Variants in TAFA2 observed in about 807,000 individuals in gnomAD.
The protein encoded by TAFA2 is chemokine-like protein TAFA-2.
TAFA2 carries 7 observed loss-of-function variants against 18.8 expected under a neutral mutation model. The ratio of observed to expected loss-of-function variants is 0.37; its 90% CI spans 0.21 to 0.70. The LOEUF (loss-of-function observed/expected upper bound fraction) is 0.70. Among genes scored for constraint, TAFA2 ranks in the 30% least tolerant of loss-of-function variants. The probability of loss-of-function intolerance (pLI) is 0.53; values close to 1 mark genes in which losing one functional copy is unlikely to be tolerated. For synonymous variants in TAFA2, 60 were observed against 54.2 expected (o/e 1.11, Z -0.47); for missense variants, 122 against 158.1 (o/e 0.77, Z 1.23).
Position 62,014,569 on chromosome 12 carries a change from C to T in TAFA2, c.-1-147143G>A, listed in dbSNP as rs59481152. ...ATTGCTTAACCCCGGAAGGCAGAGG[C>T]TGCAGTGAGCAGAGATGGCGCCACT... On this transcript the variant is annotated intron_variant, in intron 1 of 4. Transcript: ENST00000416284. Among the ~76,000 whole-genome samples the T allele has an allele frequency of 3.9e-5, 6 of 152,204 alleles. No individual in the cohort carries two copies. The East Asian group carries it at 1.2e-3, about 29-fold the overall frequency.
intron 1 of TAFA2, among the ~76,000 whole-genome samples, chr12:61,957,011 T>C (rs1410646405): frequency 6.6e-6 from 1 of 152,174 alleles, no homozygotes; most frequent in Non-Finnish European, 1.5e-5. Context: ...TTCACAATAC[T>C]CCTACAAAAT....
Position 61,926,831 on chromosome 12 carries a change from AG to A in TAFA2, c.-1-59406del, listed in dbSNP as rs1877314971. ...TTCACGCCTGTAATCCCAGCACTTTAGGAGGCTGAGGCGGGTGGATCACAAG... is the reference window on the plus strand; with the variant it reads ...TTCACGCCTGTAATCCCAGCACTTTAGAGGCTGAGGCGGGTGGATCACAAG... On this transcript the variant is annotated intron_variant, in intron 1 of 4. Transcript: ENST00000416284. Among the ~76,000 whole-genome samples the A allele has an allele frequency of 5.9e-5, 9 of 152,124 alleles. No homozygotes were observed. The South Asian group carries it at 1.9e-3, about 32-fold the overall frequency.
At chr12:61,796,193 A>G (rs2120948035) in intron 2 of TAFA2, among the ~76,000 whole-genome samples, 1 of 152,292 alleles carries the variant, frequency 6.6e-6, no homozygotes, top group East Asian at 1.9e-4. Context: ...TGTTTATACC[A>G]GATTAGATAG....
chr12:62,156,852 A>G (rs560855083), intron 1 of TAFA2, among the ~76,000 whole-genome samples: 12 of 152,304 alleles, frequency 7.9e-5, no homozygotes, highest in African/African-American at 2.9e-4. Flanking sequence ...TTACTCATGT[A>G]ACTAAATACC....
intron 1 of TAFA2, among the ~76,000 whole-genome samples, chr12:62,144,749 A>G (rs1293360134): frequency 6.6e-6 from 1 of 152,188 alleles, no homozygotes; most frequent in Non-Finnish European, 1.5e-5. Flanking sequence ...GTCCTATGTC[A>G]TAGGATGCCA....
At chr12:61,815,560 G>A (rs1478107256) in intron 2 of TAFA2, among the ~76,000 whole-genome samples, 1 of 150,926 alleles carries the variant, frequency 6.6e-6, no homozygotes, top group East Asian at 1.9e-4. Flanking sequence ...CTACTCGGGA[G>A]GCTGAGGCGG....
intron 1 of TAFA2, among the ~76,000 whole-genome samples, chr12:61,939,749 G>A (rs1283520706): frequency 6.6e-6 from 1 of 152,136 alleles, no homozygotes; most frequent in Non-Finnish European, 1.5e-5. Flanking sequence ...CTCTCTTCAC[G>A]TGACTTTTCT....
chr12:62,041,850 G>A (rs928885774), intron 1 of TAFA2, among the ~76,000 whole-genome samples: 22 of 151,942 alleles, frequency 1.4e-4, no homozygotes, highest in African/African-American at 5.1e-4. Context: ...TTTTTTCAAA[G>A]ATTATCCTAC....
At chr12:62,211,533 T>C (rs2062714242) in intron 1 of TAFA2, among the ~76,000 whole-genome samples, 1 of 150,612 alleles carries the variant, frequency 6.6e-6, no homozygotes, top group Non-Finnish European at 1.5e-5. Context: ...TGAGCCAAGA[T>C]TGTGCTGCTG....
At chr12:61,949,402 G>A (rs956809634) in intron 1 of TAFA2, among the ~76,000 whole-genome samples, 9 of 151,976 alleles carry the variant, frequency 5.9e-5, no homozygotes, top group African/African-American at 2.2e-4. Context: ...AACTCTCCCA[G>A]GTCTCCAGCC....
chr12:62,177,373 G>A (rs1011630465), intron 1 of TAFA2, among the ~76,000 whole-genome samples: 5 of 152,324 alleles, frequency 3.3e-5, no homozygotes, highest in Admixed American at 3.3e-4. Context: ...GCTGCAAGCT[G>A]GGCAAAAACT....
chr12:62,025,866 A>G (rs1489903214), intron 1 of TAFA2, among the ~76,000 whole-genome samples: 3 of 152,130 alleles, frequency 2.0e-5, no homozygotes, highest in Non-Finnish European at 4.4e-5. Context: ...AGGAAAAAAT[A>G]TATTTAATAA....
chr12:62,067,753 T>C (rs1882528398), intron 1 of TAFA2, among the ~76,000 whole-genome samples: 1 of 152,166 alleles, frequency 6.6e-6, no homozygotes, highest in South Asian at 2.1e-4. Flanking sequence ...AATGGTAAAG[T>C]ATCAGACAGA....
intron 1 of TAFA2, among the ~76,000 whole-genome samples, chr12:61,910,394 A>G (rs1189635002): frequency 1.3e-5 from 2 of 152,152 alleles, no homozygotes; most frequent in Non-Finnish European, 2.9e-5. Context: ...CTCCCTCCTG[A>G]CTTCCACAAA....
intron 4 of TAFA2, among the ~76,000 whole-genome samples, chr12:61,743,859 A>C (rs1406664590): frequency 6.6e-6 from 1 of 151,902 alleles, no homozygotes; most frequent in Non-Finnish European, 1.5e-5. Context: ...GAGAACGTAC[A>C]TAGGAAAGAT....
At chr12:62,071,507 C>A (rs1882630527) in intron 1 of TAFA2, among the ~76,000 whole-genome samples, 1 of 151,950 alleles carries the variant, frequency 6.6e-6, no homozygotes, top group African/African-American at 2.4e-5. Context: ...TTTGGGAGGC[C>A]GAGACAGGAG....
chr12:61,836,668 G>A (rs1872930973), intron 2 of TAFA2, among the ~76,000 whole-genome samples: 1 of 148,542 alleles, frequency 6.7e-6, no homozygotes, highest in Non-Finnish European at 1.5e-5. Context: ...TTATTTGAAA[G>A]CATTATATAT....
At chr12:62,076,090 G>C (rs1192998242) in intron 1 of TAFA2, among the ~76,000 whole-genome samples, 1 of 152,092 alleles carries the variant, frequency 6.6e-6, no homozygotes, top group Non-Finnish European at 1.5e-5. Flanking sequence ...TTTAACCTTT[G>C]ACTTGGTAAA....
At chr12:61,917,160 C>T (rs1405450165) in intron 1 of TAFA2, among the ~76,000 whole-genome samples, 1 of 152,176 alleles carries the variant, frequency 6.6e-6, no homozygotes, top group Non-Finnish European at 1.5e-5. Flanking sequence ...GCAGGACTGC[C>T]TTGACAGCAC....
Sources: gnomAD v4.1 joint callset for allele counts (sites outside exome capture counted in the v4.1 genomes callset) on GRCh38, gnomAD v4.1.1 for gene constraint, MANE v1.5 for transcripts, NCBI Gene and HGNC (gene_info 2026-07-23, HGNC 2026-07-21) for gene names.